The following CUBN variants were observed in gnomAD, a reference collection of about 807,000 sequenced individuals.
The protein encoded by CUBN is cubilin, also known as 460 kDa receptor.
A neutral mutation model predicts 405.3 loss-of-function variants in CUBN; 282 were observed. That is an observed-to-expected ratio of 0.70 (90% CI 0.63 to 0.77). The LOEUF (loss-of-function observed/expected upper bound fraction) is 0.77. Among genes scored for constraint, CUBN ranks in the 30% least tolerant of loss-of-function variants. The pLI, the probability that CUBN is intolerant of heterozygous loss-of-function variation, is 0.00. For synonymous variants in CUBN, 1,684 were observed against 1,617.0 expected (o/e 1.04, Z -0.99); for missense variants, 4,514 against 4,475.2 (o/e 1.01, Z -0.25).
At chr10:16,846,551 C>A (rs146095397) in intron 60 of CUBN, among the ~76,000 whole-genome samples, 4 of 152,174 alleles carry the variant, frequency 2.6e-5, no homozygotes, top group African/African-American at 9.6e-5. Context: ...GGCAGTGACA[C>A]CTGTAATCCC....
intron 4 of CUBN, among the ~76,000 whole-genome samples, chr10:17,126,505 G>C (rs1396353968): frequency 1.3e-5 from 2 of 152,146 alleles, no homozygotes; most frequent in South Asian, 2.1e-4. Flanking sequence ...TAAAGGATGT[G>C]GGCTGTGGGC....
At chr10:16,945,807 C>G (rs1364597298) in intron 36 of CUBN, among the ~76,000 whole-genome samples, 1 of 150,772 alleles carries the variant, frequency 6.6e-6, no homozygotes, top group Non-Finnish European at 1.5e-5. Context: ...CCAAAACCTC[C>G]TTCCTGTGAG....
chr10:16,869,506 A>C (rs950434612), intron 59 of CUBN, 130 bp downstream of exon 59: 240 of 760,040 alleles, frequency 3.2e-4, no homozygotes, highest in Non-Finnish European at 4.9e-4. Context: ...AAGCCCTTAC[A>C]TGGCATATTC....
chr10:17,115,358 G>GCC, intron 7 of CUBN, 113 bp downstream of exon 7: 2 of 1,349,000 alleles, frequency 1.5e-6, no homozygotes, highest in South Asian at 2.4e-5. Flanking sequence ...CAGACAGGAA[G>GCC]TGACTTCACC....
chr10:17,115,819 A>T (rs1401853798), intron 6 of CUBN, among the ~76,000 whole-genome samples: 2 of 152,246 alleles, frequency 1.3e-5, no homozygotes, highest in Non-Finnish European at 2.9e-5. Flanking sequence ...ATCACAACTT[A>T]TTATCTGGTA....
intron 19 of CUBN, 139 bp downstream of exon 19, chr10:17,071,287 A>T: frequency 1.2e-6 from 1 of 864,084 alleles, no homozygotes; most frequent in African/African-American, 1.7e-5. Context: ...TTTGCTGAGG[A>T]TTTTTACATA....
intron 12 of CUBN, among the ~76,000 whole-genome samples, chr10:17,103,474 T>C (rs1836546524): frequency 6.6e-6 from 1 of 152,236 alleles, no homozygotes; most frequent in African/African-American, 2.4e-5. Context: ...CCATGTCTTA[T>C]GTTTTCACTG....
intron 14 of CUBN, among the ~76,000 whole-genome samples, chr10:17,096,693 C>T (rs2131292475): frequency 6.6e-6 from 1 of 152,094 alleles, no homozygotes; most frequent in East Asian, 1.9e-4. Context: ...CTAACCATTA[C>T]AGAATATACA....
chr10:17,043,326 C>T (rs1835055240), intron 26 of CUBN, among the ~76,000 whole-genome samples: 1 of 152,222 alleles, frequency 6.6e-6, no homozygotes, highest in East Asian at 1.9e-4. Flanking sequence ...CATGCTTATT[C>T]CATGCATGAC....
chr10:16,875,169 C>T (rs962990865), intron 57 of CUBN, among the ~76,000 whole-genome samples: 1 of 151,982 alleles, frequency 6.6e-6, no homozygotes, highest in Non-Finnish European at 1.5e-5. Context: ...GCCCGTTCCT[C>T]TCCAGGATTC....
chr10:16,954,295 G>C (rs943902754), intron 32 of CUBN, 94 bp downstream of exon 32: 80 of 1,396,508 alleles, frequency 5.7e-5, no homozygotes, highest in Non-Finnish European at 7.9e-5. Flanking sequence ...AGAAGGCTGT[G>C]ATCAATTTCT....
chr10:17,000,359 A>C (rs1833844150), intron 28 of CUBN, among the ~76,000 whole-genome samples: 2 of 152,250 alleles, frequency 1.3e-5, no homozygotes, highest in African/African-American at 4.8e-5. Context: ...GTAATAAAGC[A>C]GAAATTGTGT....
At chr10:17,017,548 C>T (rs1459081472) in intron 28 of CUBN, among the ~76,000 whole-genome samples, 1 of 152,144 alleles carries the variant, frequency 6.6e-6, no homozygotes, top group African/African-American at 2.4e-5. Context: ...AAGAGTGATG[C>T]CTTTTGTCCT....
In CUBN at chr10:16,937,784, T is replaced by G; in HGVS notation, c.5734A>C (p.Ile1912Leu). The G allele has an allele frequency of 6.2e-7, 1 of 1,613,834 alleles. No homozygotes were observed. The highest frequency in any genetic ancestry group is 1.1e-5 in the South Asian group (1 of 91,074). Residue 1912 changes from isoleucine to leucine, a missense_variant and splice_region_variant, in exon 39 of 67, where the codon ATC (isoleucine) becomes CTC (leucine). Ile to Leu is a conservative substitution (Grantham distance 5). This residue lies in a region of CUBN where 1,613 missense variants were observed against 1,542.8 expected (regional missense o/e 1.05). Coordinates refer to ENST00000377833, the MANE Select transcript of CUBN (RefSeq NM_001081.4). ...IQNCYYDKLRIYDGPSIHARL... is the reference protein window; with the variant it reads ...IQNCYYDKLRLYDGPSIHARL... The stretch of plus-strand genomic sequence containing the variant: ...GCGTGAATGCTAGGCCCATCATAGA[T>G]CTGTACATAAAAACAGATAATAGAG...
At chr10:16,988,546 T>C (rs1378413574) in intron 29 of CUBN, among the ~76,000 whole-genome samples, 1 of 152,204 alleles carries the variant, frequency 6.6e-6, no homozygotes, top group Admixed American at 6.5e-5. Flanking sequence ...TTAGAGCCAC[T>C]AAAAGTAATT....
In CUBN at chr10:16,998,310, G is replaced by A. The variant is rs565628573; in HGVS notation, c.4169-7795C>T. On this transcript the variant is annotated intron_variant, in intron 28 of 66. Coordinates refer to ENST00000377833, the MANE Select transcript of CUBN (RefSeq NM_001081.4). ...AATATTCTTGGTATCCTTATACGAA[G>A]AGGGAAATTTGGTCCCAGACACCAA... 3.3e-5 allele frequency among the ~76,000 whole-genome samples: 5 copies of A among 152,330 alleles called. 1 individual carries two copies. Among genetic ancestry groups the A allele is most frequent in the Admixed American group, 2.6e-4 (4 of 15,304 alleles).
At chr10:16,901,617 G>A (rs1333581221) in intron 51 of CUBN, among the ~76,000 whole-genome samples, 158 bp from the exon 52 acceptor site, 1 of 152,092 alleles carries the variant, frequency 6.6e-6, no homozygotes, top group East Asian at 1.9e-4. Flanking sequence ...ACTTTGGGAG[G>A]CCGAAGTGGG....
At chr10:17,011,578 A>G (rs1156423270) in intron 28 of CUBN, among the ~76,000 whole-genome samples, 2 of 152,144 alleles carry the variant, frequency 1.3e-5, no homozygotes, top group African/African-American at 2.4e-5. Flanking sequence ...AAGCTTCCAC[A>G]GCGTGGAAGG....
chr10:16,829,098 G>C, intron 65 of CUBN, 58 bp from the exon 66 acceptor site: 1 of 1,281,074 alleles, frequency 7.8e-7, no homozygotes, highest in Non-Finnish European at 1.1e-6. Context: ...GTCCAGTCTG[G>C]CTTGTTAGGC....
Sources: gnomAD v4.1 joint callset for allele counts (sites outside exome capture counted in the v4.1 genomes callset) on GRCh38, gnomAD v4.1.1 for gene constraint, gnomAD v4.1.1 regional missense constraint, MANE v1.5 for transcripts, NCBI Gene and HGNC (gene_info 2026-07-23, HGNC 2026-07-21) for gene names.